DCC: variants seen among roughly 807,000 people sequenced by gnomAD.
The protein encoded by DCC is DCC netrin 1 receptor, also known as netrin receptor DCC.
A neutral mutation model predicts 172.5 loss-of-function variants in DCC; 58 were observed. The observed-to-expected ratio is 0.34, with a 90% CI of 0.27 to 0.42. The LOEUF (loss-of-function observed/expected upper bound fraction) is 0.42. Ranked by LOEUF, DCC falls within the 10% of genes least tolerant of loss-of-function variation. DCC has a pLI of 1.00. For synonymous variants in DCC, 709 were observed against 644.5 expected, an observed-to-expected ratio of 1.10 and a Z score of -1.52; for missense variants, 1,740 against 1,791.0, an observed-to-expected ratio of 0.97 and a Z score of 0.51.
intron 1 of DCC, among the ~76,000 whole-genome samples, chr18:52,677,219 C>G (rs2035660625): frequency 6.6e-6 from 1 of 152,118 alleles, no homozygotes; most frequent in Non-Finnish European, 1.5e-5. Flanking sequence ...ATTGTCCATT[C>G]TTTCATCCAG....
intron 23 of DCC, among the ~76,000 whole-genome samples, chr18:53,453,319 A>G (rs1460343554): frequency 1.3e-5 from 2 of 152,214 alleles, no homozygotes; most frequent in African/African-American, 2.4e-5. Context: ...TGAAAGCAAA[A>G]TCAATTCCAA....
At position 53,304,973 on chromosome 18, in the gene DCC, T is replaced by A. The variant is rs547831701; in HGVS notation, c.1912-605T>A. On this transcript the variant is annotated intron_variant, in intron 12 of 28. Transcript: ENST00000442544. ...GAATCATGGGGGCAGGTCTTTCCTG[T>A]GCTGTTCTCATGATAGTAAATAAGT... 4.7e-4 allele frequency among the ~76,000 whole-genome samples: 72 copies of A among 152,252 alleles called. 1 individual carries two copies. Among genetic ancestry groups the A allele is most frequent in the Non-Finnish European group, 7.8e-4 (53 of 68,016 alleles).
chr18:53,297,915 A>T (rs1464051418), intron 12 of DCC, among the ~76,000 whole-genome samples: 1 of 152,204 alleles, frequency 6.6e-6, no homozygotes, highest in Non-Finnish European at 1.5e-5. Flanking sequence ...CTACCTACAG[A>T]TGAGGATGAA....
At chr18:53,428,436 A>G (rs1231901528) in intron 21 of DCC, among the ~76,000 whole-genome samples, 3 of 42,064 alleles carry the variant, frequency 7.1e-5, no homozygotes, top group African/African-American at 1.5e-4. Context: ...TATTACATAT[A>G]TAATATATTA....
At chr18:52,833,950 G>GT (rs2145301185) in intron 2 of DCC, among the ~76,000 whole-genome samples, 1 of 151,358 alleles carries the variant, frequency 6.6e-6, no homozygotes, top group East Asian at 1.9e-4. Flanking sequence ...ACTGAAGATG[G>GT]TTTTACCTCC....
At chr18:52,546,935 G>A (rs1285435127) in intron 1 of DCC, among the ~76,000 whole-genome samples, 1 of 152,066 alleles carries the variant, frequency 6.6e-6, no homozygotes, top group African/African-American at 2.4e-5. Context: ...CAGAACACGG[G>A]CAGCTAATAG....
intron 1 of DCC, among the ~76,000 whole-genome samples, chr18:52,560,126 T>C (rs1300090132): frequency 6.6e-6 from 1 of 152,216 alleles, no homozygotes. Context: ...CAGCAAACAT[T>C]TTCTGTGAAA....
intron 7 of DCC, among the ~76,000 whole-genome samples, chr18:53,075,673 T>C (rs2042716420): frequency 6.6e-6 from 1 of 152,184 alleles, no homozygotes; most frequent in Admixed American, 6.5e-5. Context: ...TATATCACCA[T>C]TTGATGAAAG....
chr18:52,787,780 TA>T (rs2037686812), intron 2 of DCC, among the ~76,000 whole-genome samples: 1 of 152,094 alleles, frequency 6.6e-6, no homozygotes, highest in Non-Finnish European at 1.5e-5. Context: ...AATCCCAGAT[TA>T]CCATAAATTA....
In DCC at chr18:52,365,867, G is replaced by A. The variant is rs140559883; in HGVS notation, c.91+24989G>A. On this transcript the variant is annotated intron_variant, in intron 1 of 28. Transcript: ENST00000442544. ...AGCCAATACATAAATAAATGAGTATGGCTTTGTTCCAATAAAGCATTATTT... is the reference window on the plus strand; with the variant it reads ...AGCCAATACATAAATAAATGAGTATAGCTTTGTTCCAATAAAGCATTATTT... 4.2e-3 allele frequency among the ~76,000 whole-genome samples: 641 copies of A among 152,234 alleles called. 6 individuals are homozygous for A. Among genetic ancestry groups the A allele is most frequent in the Non-Finnish European group, 5.3e-3 (359 of 68,022 alleles).
chr18:52,652,343 T>C (rs2035149730), intron 1 of DCC, among the ~76,000 whole-genome samples: 1 of 152,136 alleles, frequency 6.6e-6, no homozygotes, highest in African/African-American at 2.4e-5. Flanking sequence ...CTCGTCTCCC[T>C]CCAAGTGCAA....
chr18:53,088,728 T>C (rs2042958797), intron 7 of DCC, among the ~76,000 whole-genome samples: 1 of 151,838 alleles, frequency 6.6e-6, no homozygotes, highest in South Asian at 2.1e-4. Flanking sequence ...AATGGTAGAG[T>C]ATTTTCTTAA....
intron 15 of DCC, among the ~76,000 whole-genome samples, chr18:53,362,474 T>A (rs952358660): frequency 6.6e-6 from 1 of 152,192 alleles, no homozygotes; most frequent in African/African-American, 2.4e-5. Flanking sequence ...ACTTAAACGC[T>A]GTGTCCTGCT....
At chr18:52,556,319 A>T (rs952979834) in intron 1 of DCC, among the ~76,000 whole-genome samples, 1 of 152,158 alleles carries the variant, frequency 6.6e-6, no homozygotes, top group African/African-American at 2.4e-5. Context: ...GGTAGTTTGT[A>T]CTAGAACCCA....
chr18:53,289,155 CAA>C (rs55987816), intron 12 of DCC, among the ~76,000 whole-genome samples: 4 of 151,862 alleles, frequency 2.6e-5, no homozygotes, highest in African/African-American at 7.2e-5. Flanking sequence ...ATCTGCATGA[CAA>C]AAAAAAAGAT....
chr18:52,637,515 A>G (rs1382555967), intron 1 of DCC, among the ~76,000 whole-genome samples: 2 of 152,192 alleles, frequency 1.3e-5, no homozygotes, highest in African/African-American at 4.8e-5. Flanking sequence ...TGGAAATGTG[A>G]AATGCTCTGG....
intron 7 of DCC, among the ~76,000 whole-genome samples, chr18:53,139,676 G>A (rs887155657): frequency 3.3e-5 from 5 of 152,074 alleles, no homozygotes; most frequent in Non-Finnish European, 7.4e-5. Flanking sequence ...TTATAGGTGA[G>A]GAAACCGAGA....
chr18:52,744,796 C>A (rs1314616725), intron 1 of DCC, among the ~76,000 whole-genome samples: 1 of 152,098 alleles, frequency 6.6e-6, no homozygotes, highest in African/African-American at 2.4e-5. Context: ...AGAGACTAAA[C>A]TAGACTAAGG....
At chr18:53,192,828 T>C (rs993470888) in intron 9 of DCC, among the ~76,000 whole-genome samples, 2 of 152,126 alleles carry the variant, frequency 1.3e-5, no homozygotes, top group Non-Finnish European at 2.9e-5. Flanking sequence ...CACCCACACG[T>C]CTCCACCTAC....
Sources: gnomAD v4.1 joint callset for allele counts (sites outside exome capture counted in the v4.1 genomes callset) on GRCh38, gnomAD v4.1.1 for gene constraint, MANE v1.5 for transcripts, NCBI Gene and HGNC (gene_info 2026-07-23, HGNC 2026-07-21) for gene names.